Variants in ZDHHC17 observed in about 807,000 individuals in gnomAD.
The protein encoded by ZDHHC17 is zDHHC palmitoyltransferase 17.
In ZDHHC17, 40 loss-of-function variants were observed where a neutral mutation model predicts 90.3. The ratio of observed to expected loss-of-function variants is 0.44; its 90% CI spans 0.34 to 0.58. The LOEUF (loss-of-function observed/expected upper bound fraction) is 0.58, where lower values mean the gene tolerates loss of function less well. Among genes scored for constraint, ZDHHC17 ranks in the 20% least tolerant of loss-of-function variants. The pLI is 0.01. For synonymous variants in ZDHHC17, 235 were observed against 252.4 expected (o/e 0.93, Z 0.65); for missense variants, 614 against 780.8 (o/e 0.79, Z 2.55).
chr12:76,842,036 T>G lies in ZDHHC17; in HGVS notation c.1196T>G (p.Phe399Cys), dbSNP rs1490289167. The G allele has an allele frequency of 6.2e-7, 1 of 1,603,708 alleles. No homozygotes were observed. The highest frequency in any genetic ancestry group is 2.3e-5 in the East Asian group (1 of 44,200). The change falls in exon 11 of 17, where the codon TTC becomes TGC. Residue 399 changes from phenylalanine (F) to cysteine (C), a missense_variant. Transcript: ENST00000426126. ...TTCCTTGCCAATAGTGTTGCACTTT[T>G]CTACAATTTTGGAAAATCTTGGAAA... The part of the protein sequence containing the change: ...LPFLANSVAL[F>C]YNFGKSWKSD...
intron 10 of ZDHHC17, among the ~76,000 whole-genome samples, chr12:76,829,014 T>C (rs1377016460): frequency 6.6e-6 from 1 of 152,142 alleles, no homozygotes; most frequent in Non-Finnish European, 1.5e-5. Context: ...AAATTAAAAC[T>C]ACAATTTCAC....
At chr12:76,776,127 C>G (rs1279353306) in intron 1 of ZDHHC17, among the ~76,000 whole-genome samples, 1 of 151,878 alleles carries the variant, frequency 6.6e-6, no homozygotes, top group African/African-American at 2.4e-5. Flanking sequence ...AAAAAAAATT[C>G]TTGACAAACT....
At chr12:76,844,830 T>A (rs1485874443) in intron 12 of ZDHHC17, 1 of 152,162 alleles carries the variant, frequency 6.6e-6, no homozygotes, top group Non-Finnish European at 1.5e-5. Flanking sequence ...ATTTATAAAT[T>A]TTTTTCTGGC....
chr12:76,817,710 C>G (rs1403264337), intron 7 of ZDHHC17, among the ~76,000 whole-genome samples: 2 of 152,036 alleles, frequency 1.3e-5, no homozygotes, highest in Non-Finnish European at 2.9e-5. Context: ...TTGTACTTCT[C>G]ATTAGCCATT....
At position 76,805,321 on chromosome 12, in the gene ZDHHC17, G is replaced by A; in HGVS notation, c.202G>A (p.Gly68Arg). The A allele has an allele frequency of 6.3e-7, 1 of 1,595,212 alleles. No individual in the cohort carries two copies. Among genetic ancestry groups the A allele is most frequent in the Non-Finnish European group, 8.6e-7 (1 of 1,169,352 alleles). ...CATATTTTCTTTCTTTTCTAGATAT[G>A]GAATATATGAACGCTGTCGAGAATT... is the stretch of plus-strand genomic sequence containing the variant. Reference protein sequence around the residue: ...TWDIVKATQYGIYERCRELVE... With the variant: ...TWDIVKATQYRIYERCRELVE... The change falls in exon 3 of 17, where the codon GGA becomes AGA. Residue 68 changes from glycine to arginine, a missense_variant. Physicochemically the swap from Gly to Arg is moderately radical, Grantham distance 125 (BLOSUM62 -2). Around this residue, in one of 5 missense-constraint regions of ZDHHC17, gnomAD observed 358 missense variants for 380.4 expected, o/e 0.94. Coordinates refer to ENST00000426126, the MANE Select transcript of ZDHHC17 (RefSeq NM_015336.4).
intron 7 of ZDHHC17, chr12:76,821,046 C>CT (rs1225187148): frequency 2.3e-6 from 3 of 1,286,598 alleles, no homozygotes; most frequent in Non-Finnish European, 3.0e-6. Flanking sequence ...CTCCCTCAAT[C>CT]TTTTTGTCTA....
chr12:76,848,706 A>G (rs1258811385), intron 15 of ZDHHC17, among the ~76,000 whole-genome samples: 1 of 152,176 alleles, frequency 6.6e-6, no homozygotes, highest in Non-Finnish European at 1.5e-5. Flanking sequence ...ATTCACAAAT[A>G]CTAATATTTA....
intron 1 of ZDHHC17, among the ~76,000 whole-genome samples, chr12:76,776,866 G>A (rs544725664): frequency 2.0e-5 from 3 of 152,180 alleles, no homozygotes; most frequent in Admixed American, 6.5e-5. Flanking sequence ...TTTTTTTACT[G>A]TGTAACTTTT....
chr12:76,787,028 A>G (rs146696804), intron 1 of ZDHHC17, among the ~76,000 whole-genome samples: 1,681 of 152,344 alleles, frequency 0.011, 11 homozygotes, highest in Non-Finnish European at 0.017. Context: ...TAGATAATTT[A>G]CATGTGCACT....
intron 7 of ZDHHC17, among the ~76,000 whole-genome samples, chr12:76,817,403 A>G (rs1248731112): frequency 1.3e-5 from 2 of 152,098 alleles, no homozygotes; most frequent in Non-Finnish European, 2.9e-5. Flanking sequence ...CGAGGAATAC[A>G]TTTAAAGATA....
intron 1 of ZDHHC17, among the ~76,000 whole-genome samples, chr12:76,783,082 A>T (rs1476563996): frequency 6.6e-6 from 1 of 152,170 alleles, no homozygotes; most frequent in Non-Finnish European, 1.5e-5. Context: ...AGGCTGACTA[A>T]AGTTTGGTCA....
intron 4 of ZDHHC17, among the ~76,000 whole-genome samples, chr12:76,809,332 C>G (rs1952992986): frequency 6.9e-6 from 1 of 145,198 alleles, no homozygotes; most frequent in South Asian, 2.2e-4. Flanking sequence ...GATATTAATT[C>G]AGTTAGTTAT....
At chr12:76,834,464 A>G (rs894654577) in intron 10 of ZDHHC17, among the ~76,000 whole-genome samples, 107 of 152,278 alleles carry the variant, frequency 7.0e-4, no homozygotes, top group Admixed American at 6.8e-3. Flanking sequence ...AAGAATGTGC[A>G]GAATTAGTTA....
At chr12:76,805,224 C>T in intron 2 of ZDHHC17, 93 bp from the exon 3 acceptor site, 1 of 1,184,152 alleles carries the variant, frequency 8.4e-7, no homozygotes. Context: ...TTCCTAGTAT[C>T]AAAATGAGGA....
At chr12:76,788,467 A>T (rs1952717985) in intron 1 of ZDHHC17, among the ~76,000 whole-genome samples, 1 of 152,182 alleles carries the variant, frequency 6.6e-6, no homozygotes, top group Non-Finnish European at 1.5e-5. Context: ...TGTGACTATA[A>T]AGGGTATAAT....
chr12:76,808,015 C>T (rs762884058), intron 3 of ZDHHC17, among the ~76,000 whole-genome samples: 47 of 152,058 alleles, frequency 3.1e-4, no homozygotes, highest in Non-Finnish European at 5.9e-4. Flanking sequence ...TACTTTGAAC[C>T]ATTTTGCATG....
intron 15 of ZDHHC17, 29 bp from the exon 16 acceptor site, chr12:76,849,347 A>AAAAAAAC: frequency 8.4e-7 from 1 of 1,189,618 alleles, no homozygotes; most frequent in Non-Finnish European, 1.2e-6. Context: ...AAAAACAAGA[A>AAAAAAAC]TAATGGTTTG....
Position 76,797,420 on chromosome 12 carries a change from T to G in ZDHHC17, c.94-14T>G, listed in dbSNP as rs745500163. On this transcript the variant is annotated splice_polypyrimidine_tract_variant and intron_variant, in intron 1 of 16. Transcript: ENST00000426126. ...TTTTCAATTCTTGCCTGTGTGTGAT[T>G]TTCTTTTTAACAGGAAATCAAACCC... 5 of 1,586,016 alleles carry G rather than the reference T, an allele frequency of 3.2e-6. No individual in the cohort carries two copies. The African/African-American group carries it at 6.8e-5, about 22-fold the overall frequency.
intron 10 of ZDHHC17, among the ~76,000 whole-genome samples, chr12:76,833,761 C>T (rs981170805): frequency 1.3e-5 from 2 of 152,118 alleles, no homozygotes; most frequent in Non-Finnish European, 2.9e-5. Context: ...CCACTGCACT[C>T]CAGCCTGGGC....
Sources: allele counts gnomAD v4.1 joint callset (sites outside exome capture counted in the v4.1 genomes callset), GRCh38; gene constraint gnomAD v4.1.1; regional missense constraint gnomAD v4.1.1; transcripts MANE v1.5; gene names NCBI Gene and HGNC (gene_info 2026-07-23, HGNC 2026-07-21).